The following EDIL3 variants were observed in gnomAD, a reference collection of about 807,000 sequenced individuals.
The protein encoded by EDIL3 is EGF-like repeat and discoidin I-like domain-containing protein 3.
A neutral mutation model predicts 67.4 loss-of-function variants in EDIL3; 37 were observed. The observed-to-expected ratio is 0.55, with a 90% confidence interval of 0.42 to 0.72. EDIL3 has a LOEUF of 0.72. Among genes scored for constraint, EDIL3 ranks in the 30% least tolerant of loss-of-function variants. The probability of loss-of-function intolerance (pLI) is 0.00; values close to 1 mark genes in which losing one functional copy is unlikely to be tolerated. For synonymous variants in EDIL3, 195 were observed against 196.3 expected, an observed-to-expected ratio of 0.99 and a Z score of 0.05; for missense variants, 527 against 586.3, an observed-to-expected ratio of 0.90 and a Z score of 1.04.
At chr5:83,999,542 C>T (rs1745287939) in intron 9 of EDIL3, among the ~76,000 whole-genome samples, 1 of 151,652 alleles carries the variant, frequency 6.6e-6, no homozygotes, top group African/African-American at 2.4e-5. Flanking sequence ...ATTGATCAAG[C>T]AGAAGAAAAA....
chr5:83,976,095 T>C (rs903526283), intron 9 of EDIL3, among the ~76,000 whole-genome samples: 2 of 151,912 alleles, frequency 1.3e-5, no homozygotes, highest in African/African-American at 2.4e-5. Flanking sequence ...CCTAAGACAC[T>C]AAGAACAGAG....
intron 2 of EDIL3, among the ~76,000 whole-genome samples, chr5:84,237,087 T>A (rs1248650849): frequency 6.6e-6 from 1 of 152,076 alleles, no homozygotes; most frequent in African/African-American, 2.4e-5. Context: ...ATCCATGTTA[T>A]TTTGTTTCAT....
At chr5:84,345,403 TA>T (rs1189914513) in intron 1 of EDIL3, among the ~76,000 whole-genome samples, 6 of 152,094 alleles carry the variant, frequency 3.9e-5, no homozygotes, top group African/African-American at 1.2e-4. Flanking sequence ...GCAATAATTT[TA>T]AAAATAAGAT....
intron 4 of EDIL3, among the ~76,000 whole-genome samples, chr5:84,169,466 T>C (rs1748770887): frequency 6.6e-6 from 1 of 151,938 alleles, no homozygotes. Context: ...TAGGTTTCTG[T>C]ATGTGTCATC....
intron 3 of EDIL3, among the ~76,000 whole-genome samples, chr5:84,215,543 C>T (rs140833342): frequency 3.2e-4 from 48 of 152,288 alleles, no homozygotes; most frequent in African/African-American, 1.0e-3. Context: ...TGAGCCACCA[C>T]GCCCAGTTAA....
At chr5:84,015,407 C>T (rs1745585501) in intron 9 of EDIL3, among the ~76,000 whole-genome samples, 1 of 152,156 alleles carries the variant, frequency 6.6e-6, no homozygotes, top group Non-Finnish European at 1.5e-5. Context: ...TAATTTCATT[C>T]TGCAATTTAT....
intron 1 of EDIL3, among the ~76,000 whole-genome samples, chr5:84,300,874 T>C (rs1024784724): frequency 1.3e-5 from 2 of 152,052 alleles, no homozygotes; most frequent in Non-Finnish European, 2.9e-5. Flanking sequence ...GAAGCTAAAC[T>C]AGACCTAGAA....
At chr5:83,996,956 A>G (rs561268593) in intron 9 of EDIL3, among the ~76,000 whole-genome samples, 1 of 152,310 alleles carries the variant, frequency 6.6e-6, no homozygotes, top group South Asian at 2.1e-4. Flanking sequence ...CTGTTCTGGA[A>G]GATAACTGGT....
intron 2 of EDIL3, among the ~76,000 whole-genome samples, chr5:84,245,551 T>C (rs1423293958): frequency 1.3e-5 from 2 of 152,166 alleles, no homozygotes; most frequent in Non-Finnish European, 2.9e-5. Flanking sequence ...AGGTATAATT[T>C]CCTAGAATAA....
chr5:84,134,372 G>T (rs1024363137), intron 5 of EDIL3, among the ~76,000 whole-genome samples: 22 of 152,216 alleles, frequency 1.4e-4, no homozygotes, highest in African/African-American at 4.8e-4. Context: ...TAAAAAATGA[G>T]GGAAAGGCTG....
intron 4 of EDIL3, among the ~76,000 whole-genome samples, chr5:84,143,685 G>A (rs917863191): frequency 6.6e-6 from 1 of 152,008 alleles, no homozygotes; most frequent in Non-Finnish European, 1.5e-5. Context: ...AAAATGAGGG[G>A]AGGTAGAGGA....
chr5:84,123,911 A>AT (rs1217428234), intron 5 of EDIL3, among the ~76,000 whole-genome samples: 1 of 151,852 alleles, frequency 6.6e-6, no homozygotes, highest in East Asian at 1.9e-4. Context: ...GTTTTCTACT[A>AT]TTTTTTCTTT....
chr5:84,001,706 A>G (rs938087658), intron 9 of EDIL3, among the ~76,000 whole-genome samples: 1 of 152,134 alleles, frequency 6.6e-6, no homozygotes, highest in Non-Finnish European at 1.5e-5. Context: ...AATGAATTAA[A>G]CATAGTAATG....
chr5:84,023,033 T>G (rs930998257), intron 9 of EDIL3, among the ~76,000 whole-genome samples: 6 of 151,910 alleles, frequency 3.9e-5, no homozygotes, highest in African/African-American at 1.4e-4. Flanking sequence ...ATACTATGTA[T>G]CAATAAATGA....
At chr5:83,969,222 A>G (rs938653388) in intron 9 of EDIL3, among the ~76,000 whole-genome samples, 3 of 151,760 alleles carry the variant, frequency 2.0e-5, no homozygotes, top group Non-Finnish European at 4.4e-5. Flanking sequence ...GAGTTATTAC[A>G]ATCATTAACT....
At chr5:84,304,918 A>G (rs920150313) in intron 1 of EDIL3, among the ~76,000 whole-genome samples, 1 of 152,254 alleles carries the variant, frequency 6.6e-6, no homozygotes, top group Non-Finnish European at 1.5e-5. Flanking sequence ...ATCTCCCTCA[A>G]TAAAAATAAG....
chr5:84,171,300 T>C (rs897092742), intron 4 of EDIL3, among the ~76,000 whole-genome samples: 2 of 152,228 alleles, frequency 1.3e-5, no homozygotes, highest in Non-Finnish European at 2.9e-5. Context: ...TTTATACATA[T>C]CTGAGTATCA....
At chr5:84,001,381 C>CT (rs1293520234) in intron 9 of EDIL3, among the ~76,000 whole-genome samples, 1 of 151,868 alleles carries the variant, frequency 6.6e-6, no homozygotes, top group Non-Finnish European at 1.5e-5. Flanking sequence ...AATAAACAAC[C>CT]TAAAAATGCT....
chr5:84,132,006 G>GC (rs1284512989), intron 5 of EDIL3, among the ~76,000 whole-genome samples: 1 of 151,622 alleles, frequency 6.6e-6, no homozygotes, highest in Non-Finnish European at 1.5e-5. Context: ...ATTGAGGTGG[G>GC]CGGATCTCCT....
Sources: gnomAD v4.1 joint callset for allele counts (sites outside exome capture counted in the v4.1 genomes callset) on GRCh38, gnomAD v4.1.1 for gene constraint, MANE v1.5 for transcripts, NCBI Gene and HGNC (gene_info 2026-07-23, HGNC 2026-07-21) for gene names.